The following MGAT4A variants were observed in gnomAD, a reference collection of about 807,000 sequenced individuals.
The protein encoded by MGAT4A is alpha-1,3-mannosyl-glycoprotein 4-beta-N-acetylglucosaminyltransferase A, also known as N-acetylglucosaminyltransferase IVa.
MGAT4A carries 33 observed loss-of-function variants against 74.1 expected under a neutral mutation model. The ratio of observed to expected loss-of-function variants is 0.45; its 90% CI spans 0.34 to 0.60. MGAT4A has a LOEUF of 0.60. MGAT4A is among the 20% of genes least tolerant of loss of function. The pLI is 0.02. For synonymous variants in MGAT4A, 198 were observed against 210.4 expected, an observed-to-expected ratio of 0.94 and a Z score of 0.51; for missense variants, 479 against 628.3, an observed-to-expected ratio of 0.76 and a Z score of 2.54.
At chr2:98,693,891 G>A (rs1702228665) in intron 2 of MGAT4A, among the ~76,000 whole-genome samples, 1 of 152,134 alleles carries the variant, frequency 6.6e-6, no homozygotes, top group Non-Finnish European at 1.5e-5. Flanking sequence ...TTTGAAAACT[G>A]TTTCAGGAAC....
intron 4 of MGAT4A, among the ~76,000 whole-genome samples, chr2:98,673,436 A>C (rs1395320429): frequency 1.3e-5 from 2 of 152,300 alleles, no homozygotes; most frequent in South Asian, 2.1e-4. Flanking sequence ...AATATCCAAA[A>C]GGTCCTGTAA....
chr2:98,710,664 G>A (rs958345235), intron 2 of MGAT4A, among the ~76,000 whole-genome samples: 11 of 151,976 alleles, frequency 7.2e-5, no homozygotes, highest in African/African-American at 1.9e-4. Flanking sequence ...GCGGGGAGGC[G>A]GACAGTTCAC....
intron 8 of MGAT4A, among the ~76,000 whole-genome samples, chr2:98,648,324 C>A (rs1701525090): frequency 6.6e-6 from 1 of 152,094 alleles, no homozygotes; most frequent in Non-Finnish European, 1.5e-5. Flanking sequence ...CATGGTGAAA[C>A]CCTGTCTCCA....
intron 2 of MGAT4A, among the ~76,000 whole-genome samples, chr2:98,721,713 G>A (rs186820067): frequency 1.1e-4 from 17 of 152,158 alleles, no homozygotes; most frequent in Admixed American, 2.0e-4. Flanking sequence ...TAAATCTAAA[G>A]CTGATTCTGT....
At chr2:98,663,559 A>C in intron 4 of MGAT4A, 2 of 1,000,754 alleles carry the variant, frequency 2.0e-6, no homozygotes, top group Non-Finnish European at 2.7e-6. Context: ...AGAGCACAAC[A>C]TCAGTTCTGT....
chr2:98,662,993 T>G, intron 5 of MGAT4A, 53 bp downstream of exon 5: 2 of 1,298,196 alleles, frequency 1.5e-6, no homozygotes, highest in Non-Finnish European at 2.0e-6. Context: ...AATTAGAGTT[T>G]CAACTCTTAT....
intron 8 of MGAT4A, among the ~76,000 whole-genome samples, chr2:98,649,533 G>C (rs1243091114): frequency 6.6e-6 from 1 of 152,130 alleles, no homozygotes; most frequent in African/African-American, 2.4e-5. Flanking sequence ...ATAGTGTCAG[G>C]AACAGGGCAC....
In MGAT4A at chr2:98,623,602, G is replaced by A; in HGVS notation, c.*1964C>T. On this transcript the variant is annotated 3_prime_UTR_variant, in exon 16 of 16. Transcript: ENST00000393487. Reference sequence around the variant, plus strand: ...AGAAAAAAATTCAAGAAAGTGAAAAGTAAATTTAAAACATCCTAATAAAAA... The same window carrying A: ...AGAAAAAAATTCAAGAAAGTGAAAAATAAATTTAAAACATCCTAATAAAAA... 1.0e-6 allele frequency: 1 copy of A among 985,206 alleles called. No homozygotes were observed. The highest frequency in any genetic ancestry group is 1.2e-6 in the Non-Finnish European group (1 of 829,766). The allele number at this position is 985,206 out of a possible 1,614,324, so 61.0% of individuals were successfully genotyped here. A position where few individuals can be genotyped will look rare whatever the true frequency, so the allele number is the denominator to read the frequency against.
At chr2:98,644,885 C>T (rs1276128653) in intron 9 of MGAT4A, among the ~76,000 whole-genome samples, 15 of 152,300 alleles carry the variant, frequency 9.8e-5, no homozygotes, top group African/African-American at 2.2e-4. Flanking sequence ...CCACCCGCCT[C>T]GGCCTCCCAA....
chr2:98,728,404 G>A (rs1702795228), intron 1 of MGAT4A, among the ~76,000 whole-genome samples: 1 of 152,196 alleles, frequency 6.6e-6, no homozygotes, highest in Non-Finnish European at 1.5e-5. Flanking sequence ...ACCTTCTACA[G>A]TTAAGACAAG....
intron 4 of MGAT4A, 32 bp downstream of exon 4, chr2:98,675,003 T>G: frequency 6.2e-7 from 1 of 1,601,676 alleles, no homozygotes; most frequent in Non-Finnish European, 8.5e-7. Context: ...ACAGCAGTAG[T>G]ACAACTGCAG....
At chr2:98,682,706 C>A (rs1348861032) in intron 2 of MGAT4A, among the ~76,000 whole-genome samples, 1 of 141,194 alleles carries the variant, frequency 7.1e-6, no homozygotes, top group Non-Finnish European at 1.6e-5. Context: ...AGAGGACACC[C>A]CTCATGTGGG....
chr2:98,670,724 C>G (rs1701899790), intron 4 of MGAT4A, among the ~76,000 whole-genome samples: 2 of 152,074 alleles, frequency 1.3e-5, no homozygotes, highest in African/African-American at 2.4e-5. Context: ...TGCCCTTTCT[C>G]TGTCTCTGTC....
chr2:98,663,309 C>A, intron 4 of MGAT4A, 130 bp from the exon 5 acceptor site: 1 of 1,528,330 alleles, frequency 6.5e-7, no homozygotes, highest in Non-Finnish European at 8.8e-7. Context: ...TATTAAGTTT[C>A]AGGAAGAAAA....
intron 4 of MGAT4A, among the ~76,000 whole-genome samples, chr2:98,665,574 A>AT (rs1359239909): frequency 1.3e-5 from 2 of 152,242 alleles, no homozygotes; most frequent in Admixed American, 6.5e-5. Context: ...TGTTTTGCAC[A>AT]TATTTACTGC....
chr2:98,656,023 A>G (rs1266291267), intron 7 of MGAT4A: 1 of 245,672 alleles, frequency 4.1e-6, no homozygotes, highest in African/African-American at 2.3e-5. Flanking sequence ...AAGTTCACAA[A>G]TAGGTACTGA....
rs1014773392 is a variant in MGAT4A at position 98,658,343 on chromosome 2, T to C, written c.538-79A>G. The C allele has an allele frequency of 3.9e-6, 3 of 768,330 alleles. No homozygotes were observed. In the South Asian group the frequency reaches 5.5e-5, roughly 14 times the overall value. 47.6% of individuals were successfully genotyped at this position (768,330 alleles called of 1,614,324 possible). On this transcript the variant is annotated intron_variant, in intron 5 of 15. Transcript: ENST00000393487. ...TGTTAATACTGAACTCGAAATTAAA[T>C]GAATGATAAAAACATTCATTAAAAC...
chr2:98,640,411 A>G (rs1341203461), intron 10 of MGAT4A, among the ~76,000 whole-genome samples, 183 bp from the exon 11 acceptor site: 1 of 152,108 alleles, frequency 6.6e-6, no homozygotes, highest in Non-Finnish European at 1.5e-5. Flanking sequence ...GGAGTTTGAG[A>G]CCAGTCTGGC....
intron 2 of MGAT4A, among the ~76,000 whole-genome samples, chr2:98,689,245 T>C (rs1441129835): frequency 6.6e-6 from 1 of 152,246 alleles, no homozygotes; most frequent in Non-Finnish European, 1.5e-5. Flanking sequence ...GGATTTTTCC[T>C]TTTTGTACCC....
Sources: allele counts gnomAD v4.1 joint callset (sites outside exome capture counted in the v4.1 genomes callset), GRCh38; gene constraint gnomAD v4.1.1; transcripts MANE v1.5; gene names NCBI Gene and HGNC (gene_info 2026-07-23, HGNC 2026-07-21).